The following HEPH variants were observed in gnomAD, a reference collection of about 807,000 sequenced individuals.
HEPH encodes the protein hephaestin.
HEPH carries 69 observed loss-of-function variants against 80.8 expected under a neutral mutation model. That is an observed-to-expected ratio of 0.85 (90% CI 0.70 to 1.04). The LOEUF (loss-of-function observed/expected upper bound fraction) is 1.04. Ranked by LOEUF, HEPH falls within the 50% of genes least tolerant of loss-of-function variation. HEPH has a pLI of 0.00. For synonymous variants in HEPH, 431 were observed against 322.8 expected (o/e 1.34, Z -3.60); for missense variants, 1,115 against 891.3 (o/e 1.25, Z -3.20).
At chrX:66,263,489 A>G (rs2091430376) in intron 19 of HEPH, among the ~76,000 whole-genome samples, 155 bp from the exon 20 acceptor site, 1 of 112,081 alleles carries the variant, frequency 8.9e-6, no homozygotes, top group African/African-American at 3.2e-5. Context: ...ACATACCAAT[A>G]TTGACTTGGA....
At chrX:66,189,157 A>G (rs1329143035) in intron 5 of HEPH, among the ~76,000 whole-genome samples, 1 of 112,395 alleles carries the variant, frequency 8.9e-6, no homozygotes, top group African/African-American at 3.2e-5. Context: ...CATTCATGAC[A>G]GGGGTGGGCT....
chrX:66,243,511 T>A (rs1208981328), intron 15 of HEPH, among the ~76,000 whole-genome samples: 1 of 113,014 alleles, frequency 8.8e-6, no homozygotes, highest in Non-Finnish European at 1.9e-5. Flanking sequence ...AGTTTTCCAT[T>A]TGCTTGGTGG....
Position 66,189,864 on chromosome X carries a change from T to C in HEPH, c.989T>C (p.Phe330Ser). The part of the protein sequence containing the change: ...TDVANIFPAT[F>S]VTAEMVPWEP... ...GTGGCTAACATCTTTCCAGCCACCTTTGTGACTGCTGAGATGGTGCCCTGG... is the reference window on the plus strand; with the variant it reads ...GTGGCTAACATCTTTCCAGCCACCTCTGTGACTGCTGAGATGGTGCCCTGG... Residue 330 changes from phenylalanine (F) to serine (S), a missense_variant, in exon 6 of 21, where the codon TTT (phenylalanine) becomes TCT (serine). Phe to Ser is a radical substitution (Grantham distance 155). This residue lies in a region of HEPH where 391 missense variants were observed against 343.6 expected (regional missense o/e 1.14). Transcript: ENST00000343002. 1 of 1,204,440 alleles carries C rather than the reference T, an allele frequency of 8.3e-7. No individual in the cohort carries two copies. Among genetic ancestry groups the C allele is most frequent in the Non-Finnish European group, 1.1e-6 (1 of 891,341 alleles).
chrX:66,244,351 G>T (rs748554056), intron 15 of HEPH, among the ~76,000 whole-genome samples: 20 of 111,555 alleles, frequency 1.8e-4, no homozygotes, highest in Non-Finnish European at 3.6e-4. Context: ...ATTTCTCAGA[G>T]ATTTTGTTCA....
intron 15 of HEPH, among the ~76,000 whole-genome samples, chrX:66,240,756 A>G (rs1347614572): frequency 1.8e-5 from 2 of 112,257 alleles, no homozygotes; most frequent in Admixed American, 1.9e-4. Context: ...TAAAAAGAAA[A>G]CACAAACAAC....
In HEPH at chrX:66,164,415, C is replaced by T; in HGVS notation, c.-69C>T. 4.0e-6 allele frequency: 3 copies of T among 752,791 alleles called. No homozygotes were observed. Among genetic ancestry groups the T allele is most frequent in the Non-Finnish European group, 4.7e-6 (3 of 637,875 alleles). The allele number at this position is 752,791 out of a possible 1,213,427, so 62.0% of individuals were successfully genotyped here. A position where few individuals can be genotyped will look rare whatever the true frequency, so the allele number is the denominator to read the frequency against. ...GCTGGCGGACTCAGGCTGGGGTCTG[C>T]AGTGCAGCATTAATGGGCCGCTGAC... On this transcript the variant is annotated 5_prime_UTR_variant, in exon 1 of 21. Coordinates refer to ENST00000343002, the MANE Select transcript of HEPH (RefSeq NM_001367233.3).
At chrX:66,174,392 T>C (rs1422797710) in intron 4 of HEPH, among the ~76,000 whole-genome samples, 2 of 112,149 alleles carry the variant, frequency 1.8e-5, no homozygotes, top group Non-Finnish European at 3.8e-5. Context: ...TACCACGGTT[T>C]CTTGATTCAC....
chrX:66,246,588 G>T (rs900046440), intron 15 of HEPH, among the ~76,000 whole-genome samples: 2 of 110,962 alleles, frequency 1.8e-5, no homozygotes, highest in Non-Finnish European at 3.8e-5. Context: ...AAGCATGGTG[G>T]GGGCAGTGTG....
chrX:66,263,310 G>A (rs776276255), intron 19 of HEPH, among the ~76,000 whole-genome samples: 2 of 111,390 alleles, frequency 1.8e-5, no homozygotes, highest in South Asian at 7.6e-4. Context: ...GTTTCACAAG[G>A]AGCAGGGATT....
In HEPH at chrX:66,258,920, A is replaced by C. The variant is rs780683180; in HGVS notation, c.2977A>C (p.Met993Leu). 4.2e-6 allele frequency: 5 copies of C among 1,176,508 alleles called. No individual in the cohort carries two copies. In the Admixed American group the frequency reaches 1.2e-4, roughly 27 times the overall value. The change falls in exon 18 of 21, where the codon ATG (methionine) becomes CTG (leucine). Residue 993 changes from methionine (M) to leucine (L), a missense_variant. By Grantham distance (15) the Met-to-Leu change is conservative. Around this residue, in one of 3 missense-constraint regions of HEPH, gnomAD observed 716 missense variants for 523.5 expected, o/e 1.37. Transcript: ENST00000343002. ...GERVAWYMLA[M>L]GQDVDLHTIH... ...ACGAGTGGCCTGGTACATGCTGGCC[A>C]TGGGCCAAGATGTGGATCTACACAC...
At chrX:66,190,935 G>T (rs2087755311) in intron 6 of HEPH, among the ~76,000 whole-genome samples, 1 of 111,469 alleles carries the variant, frequency 9.0e-6, no homozygotes, top group Non-Finnish European at 1.9e-5. Flanking sequence ...GACATGCTTG[G>T]ATTCAAATCC....
At chrX:66,268,160 A>G (rs2148274785), downstream of HEPH, 1 of 110,963 alleles carries the variant, frequency 9.0e-6, no homozygotes, top group African/African-American at 3.3e-5. Context: ...CATCTGTTTG[A>G]CTCCAAATAC....
chrX:66,263,799 T>C lies in HEPH; in HGVS notation c.3244+111T>C, dbSNP rs1208755479. 7 of 712,592 alleles carry C rather than the reference T, an allele frequency of 9.8e-6. No individual in the cohort carries two copies. The East Asian group carries it at 1.8e-4, about 18-fold the overall frequency. 58.7% of individuals were successfully genotyped at this position (712,592 alleles called of 1,213,427 possible). On this transcript the variant is annotated intron_variant, in intron 20 of 20. Transcript: ENST00000343002. The stretch of plus-strand genomic sequence containing the variant: ...TTATGTGACTGAGAGTTAGAATACA[T>C]CAGCAGAAAGTATCCTGAGACTTCT...
chrX:66,220,798 TCTTA>T (rs1184326448), intron 15 of HEPH, among the ~76,000 whole-genome samples: 1 of 111,223 alleles, frequency 9.0e-6, no homozygotes, highest in Non-Finnish European at 1.9e-5. Flanking sequence ...CAGACCTTAA[TCTTA>T]CTTCAAAAAC....
chrX:66,186,562 G>A (rs1438829097), intron 4 of HEPH, among the ~76,000 whole-genome samples: 7 of 112,585 alleles, frequency 6.2e-5, no homozygotes, highest in Admixed American at 2.8e-4. Context: ...GCTTCGGCTC[G>A]CGCATGGTGC....
At chrX:66,207,080 T>A (rs1438679527) in intron 13 of HEPH, 115 bp from the exon 14 acceptor site, 1 of 518,523 alleles carries the variant, frequency 1.9e-6, no homozygotes, top group Non-Finnish European at 2.8e-6. Flanking sequence ...TCCCCCCCCT[T>A]TTTTTTTTCT....
intron 9 of HEPH, among the ~76,000 whole-genome samples, chrX:66,196,539 A>G (rs2088113407): frequency 8.9e-6 from 1 of 112,010 alleles, no homozygotes; most frequent in African/African-American, 3.2e-5. Flanking sequence ...ACCTTTCTTC[A>G]GAATATATTT....
At chrX:66,179,481 A>G (rs1332446412) in intron 4 of HEPH, among the ~76,000 whole-genome samples, 1 of 112,043 alleles carries the variant, frequency 8.9e-6, no homozygotes, top group Non-Finnish European at 1.9e-5. Flanking sequence ...AATTCTGTGA[A>G]GAAAGTCATT....
chrX:66,218,270 A>G (rs1384564820), intron 15 of HEPH, among the ~76,000 whole-genome samples: 9 of 112,164 alleles, frequency 8.0e-5, no homozygotes, highest in Admixed American at 1.9e-4. Flanking sequence ...AAGATAGACT[A>G]TATGATAGAC....
Sources: allele counts gnomAD v4.1 joint callset (sites outside exome capture counted in the v4.1 genomes callset), GRCh38; gene constraint gnomAD v4.1.1; regional missense constraint gnomAD v4.1.1; transcripts MANE v1.5; gene names NCBI Gene and HGNC (gene_info 2026-07-23, HGNC 2026-07-21).